Variants in LRMDA observed in about 807,000 individuals in gnomAD.
The protein encoded by LRMDA is leucine rich melanocyte differentiation associated.
A neutral mutation model predicts 29.8 loss-of-function variants in LRMDA; 18 were observed. That is an observed-to-expected ratio of 0.60 (90% CI 0.42 to 0.90). The LOEUF (loss-of-function observed/expected upper bound fraction) is 0.90, where lower values mean the gene tolerates loss of function less well. LRMDA is among the 40% of genes least tolerant of loss of function. The probability of loss-of-function intolerance (pLI) is 0.00; values close to 1 mark genes in which losing one functional copy is unlikely to be tolerated. For synonymous variants in LRMDA, 125 were observed against 109.4 expected (o/e 1.14, Z -0.89); for missense variants, 273 against 273.9 (o/e 1.00, Z 0.02).
intron 6 of LRMDA, among the ~76,000 whole-genome samples, chr10:76,444,630 C>T (rs1842335408): frequency 6.6e-6 from 1 of 152,178 alleles, no homozygotes; most frequent in African/African-American, 2.4e-5. Flanking sequence ...CAGCCAAGCA[C>T]AGCCTTAGGT....
At chr10:75,783,617 TC>T (rs1843422163) in intron 2 of LRMDA, among the ~76,000 whole-genome samples, 1 of 152,044 alleles carries the variant, frequency 6.6e-6, no homozygotes, top group South Asian at 2.1e-4. Flanking sequence ...GTGCCATCCC[TC>T]CAAAGTGAGT....
At chr10:75,691,943 C>T (rs1339400608) in intron 2 of LRMDA, among the ~76,000 whole-genome samples, 33 of 151,970 alleles carry the variant, frequency 2.2e-4, no homozygotes, top group Admixed American at 2.2e-3. Context: ...GTGGCTCATG[C>T]CTGTAATCTC....
At chr10:75,838,051 T>G (rs1257773276) in intron 2 of LRMDA, among the ~76,000 whole-genome samples, 2 of 152,124 alleles carry the variant, frequency 1.3e-5, no homozygotes, top group African/African-American at 4.8e-5. Context: ...CCACAATGAC[T>G]AAAGGGGCAT....
intron 6 of LRMDA, among the ~76,000 whole-genome samples, chr10:76,376,658 G>A (rs1841521937): frequency 6.6e-6 from 1 of 151,960 alleles, no homozygotes; most frequent in Non-Finnish European, 1.5e-5. Flanking sequence ...TTTCCATAAA[G>A]GTTGTACTTT....
chr10:76,460,507 G>A (rs1327099105), intron 6 of LRMDA, among the ~76,000 whole-genome samples: 1 of 152,230 alleles, frequency 6.6e-6, no homozygotes, highest in African/African-American at 2.4e-5. Context: ...AATGCATGTG[G>A]TGGAGACAGA....
intron 6 of LRMDA, among the ~76,000 whole-genome samples, chr10:76,402,633 C>A (rs1040323940): frequency 2.0e-5 from 3 of 152,114 alleles, no homozygotes; most frequent in African/African-American, 7.2e-5. Context: ...GGATTACAGG[C>A]AGGAGCCACT....
chr10:76,211,697 A>G (rs1489315748), intron 5 of LRMDA, among the ~76,000 whole-genome samples: 1 of 152,238 alleles, frequency 6.6e-6, no homozygotes, highest in Non-Finnish European at 1.5e-5. Context: ...TCTTTTTAAT[A>G]TCAACAGAGA....
chr10:76,158,113 T>C (rs1850574386), intron 5 of LRMDA, among the ~76,000 whole-genome samples: 1 of 152,164 alleles, frequency 6.6e-6, no homozygotes, highest in Non-Finnish European at 1.5e-5. Context: ...TGTTTTCCTT[T>C]TCTATGATGG....
intron 2 of LRMDA, among the ~76,000 whole-genome samples, chr10:75,707,394 A>G (rs552845959): frequency 2.4e-4 from 36 of 152,310 alleles, no homozygotes; most frequent in Admixed American, 7.8e-4. Flanking sequence ...AGCAAGGAGC[A>G]ATGAAAAGGG....
chr10:75,597,674 C>T lies in LRMDA; in HGVS notation c.131+159180C>T, dbSNP rs1235429542. Among the ~76,000 whole-genome samples, 8 of 151,912 alleles carry T rather than the reference C, an allele frequency of 5.3e-5. No homozygotes were observed. In the South Asian group the frequency reaches 1.0e-3, roughly 20 times the overall value. On this transcript the variant is annotated intron_variant, in intron 2 of 6. Transcript: ENST00000611255. ...CACTTTTTTTAATCTTTAAATAAGACGATTGGTAGCCTGTTGGCAAGAAAA... is the reference window on the plus strand; with the variant it reads ...CACTTTTTTTAATCTTTAAATAAGATGATTGGTAGCCTGTTGGCAAGAAAA...
At chr10:75,444,326 A>G (rs1844364710) in intron 2 of LRMDA, among the ~76,000 whole-genome samples, 2 of 152,204 alleles carry the variant, frequency 1.3e-5, no homozygotes, top group African/African-American at 4.8e-5. Context: ...TACTGGAGCC[A>G]GTGTGTACCC....
intron 6 of LRMDA, among the ~76,000 whole-genome samples, chr10:76,391,929 C>A (rs11001766): frequency 0.084 from 12,718 of 152,116 alleles, 722 homozygotes; most frequent in East Asian, 0.3. Context: ...ACTGTATCAC[C>A]ACAGAGTCTT....
At position 75,854,634 on chromosome 10, in the gene LRMDA, T is replaced by C. The variant is rs543125664; in HGVS notation, c.132-181374T>C. Among the ~76,000 whole-genome samples the C allele has an allele frequency of 7.2e-5, 11 of 152,214 alleles. 1 individual carries two copies. In the South Asian group the frequency reaches 2.1e-3, roughly 29 times the overall value. On this transcript the variant is annotated intron_variant, in intron 2 of 6. Coordinates refer to ENST00000611255, the MANE Select transcript of LRMDA (RefSeq NM_001305581.2). ...GCACAATGTGCAGGTTAGTTACATA[T>C]GTATACATGTGCCATGTTGGTGTGC...
chr10:76,333,552 G>T (rs1244665219), intron 6 of LRMDA, among the ~76,000 whole-genome samples: 1 of 152,198 alleles, frequency 6.6e-6, no homozygotes, highest in Non-Finnish European at 1.5e-5. Context: ...AGGAGTGGGG[G>T]CCATGCACAG....
At chr10:76,156,080 C>G (rs1488521210) in intron 5 of LRMDA, among the ~76,000 whole-genome samples, 3 of 152,090 alleles carry the variant, frequency 2.0e-5, no homozygotes, top group Non-Finnish European at 4.4e-5. Context: ...AAGAAAGTAA[C>G]TCAAACACAG....
At chr10:75,773,436 G>T (rs1283781894) in intron 2 of LRMDA, among the ~76,000 whole-genome samples, 1 of 152,184 alleles carries the variant, frequency 6.6e-6, no homozygotes, top group African/African-American at 2.4e-5. Context: ...AATCTAGGGG[G>T]TTCCTGTGTG....
At chr10:76,504,491 C>G (rs898077240) in intron 6 of LRMDA, among the ~76,000 whole-genome samples, 7 of 151,978 alleles carry the variant, frequency 4.6e-5, no homozygotes, top group African/African-American at 1.7e-4. Context: ...AATCTGGATG[C>G]TCCAATGTTG....
chr10:75,798,093 A>C (rs1843684175), intron 2 of LRMDA, among the ~76,000 whole-genome samples: 1 of 151,920 alleles, frequency 6.6e-6, no homozygotes, highest in East Asian at 1.9e-4. Context: ...TCCATGTGCT[A>C]ATTGGCTACT....
At chr10:76,124,171 C>G (rs1849838673) in intron 5 of LRMDA, among the ~76,000 whole-genome samples, 1 of 152,178 alleles carries the variant, frequency 6.6e-6, no homozygotes, top group African/African-American at 2.4e-5. Context: ...ACTAAGTATC[C>G]CTCAAATCCA....
Sources: gnomAD v4.1 joint callset for allele counts (sites outside exome capture counted in the v4.1 genomes callset) on GRCh38, gnomAD v4.1.1 for gene constraint, MANE v1.5 for transcripts, NCBI Gene and HGNC (gene_info 2026-07-23, HGNC 2026-07-21) for gene names.